The following PTPRS variants were observed in gnomAD, a reference collection of about 807,000 sequenced individuals.
The protein encoded by PTPRS is protein tyrosine phosphatase receptor type S, also known as receptor-type tyrosine-protein phosphatase S.
In PTPRS, 63 loss-of-function variants were observed where a neutral mutation model predicts 215.3. The ratio of observed to expected loss-of-function variants is 0.29; its 90% confidence interval spans 0.24 to 0.36. The LOEUF (loss-of-function observed/expected upper bound fraction) is 0.36. PTPRS is among the 10% of genes least tolerant of loss of function. The pLI, the probability that PTPRS is intolerant of heterozygous loss-of-function variation, is 1.00. For missense variants in PTPRS, 2,258 were observed against 2,825.8 expected, an observed-to-expected ratio of 0.80 and a Z score of 4.56; for synonymous variants, 1,404 against 1,191.4, an observed-to-expected ratio of 1.18 and a Z score of -3.68.
rs567701333 is a variant in PTPRS, at chr19:5,335,639, G to A, written c.-95+5025C>T. ...GCAAAGATCAAAAACAACTTAAAAG[G>A]AGCAAGGCCACCCAGATAACATAAA... On this transcript the variant is annotated intron_variant, in intron 1 of 37. Transcript: ENST00000262963. Among the ~76,000 whole-genome samples the A allele has an allele frequency of 2.1e-4, 32 of 152,248 alleles. No individual in the cohort carries two copies. The South Asian group carries it at 6.6e-3, about 32-fold the overall frequency.
Position 5,265,099 on chromosome 19 carries a change from G to A in PTPRS, c.477C>T (p.Ser159=), listed in dbSNP as rs201540749. The A allele has an allele frequency of 2.4e-5, 39 of 1,614,038 alleles. No individual in the cohort carries two copies. The Admixed American group carries it at 3.0e-4, about 12-fold the overall frequency. ...AGGTGATCTCAGGGTCAGGGTTGCC[G>A]CTGGCTGCACAGAGCATGGTGGCTG... ...TRTATMLCAA[S]GNPDPEITWF... Residue 159 remains serine (S), a synonymous_variant, in exon 5 of 38, where the codon AGC becomes AGT. Transcript: ENST00000262963.
At chr19:5,219,835 AG>A in intron 22 of PTPRS, 103 bp downstream of exon 22, 1 of 1,301,228 alleles carries the variant, frequency 7.7e-7, no homozygotes. Context: ...CTCTGACCAC[AG>A]GGAGCTGCCT....
rs934777702 is a variant in PTPRS at position 5,339,431 on chromosome 19, G to T, written c.-95+1233C>A. Reference sequence around the variant, plus strand: ...GGAGGTCCCAGATTTGGGGCGGGGGGTGTGGCTGAAAAAAAGATTCCCAGT... The same window carrying T: ...GGAGGTCCCAGATTTGGGGCGGGGGTTGTGGCTGAAAAAAAGATTCCCAGT... On this transcript the variant is annotated intron_variant, in intron 1 of 37. Coordinates refer to ENST00000262963, the MANE Select transcript of PTPRS (RefSeq NM_002850.4). The surrounding 1 kb of genome is among the most constrained non-coding windows in gnomAD (Gnocchi z 4.2). 2.0e-5 allele frequency among the ~76,000 whole-genome samples: 3 copies of T among 151,950 alleles called. No individual in the cohort carries two copies. The highest frequency in any genetic ancestry group is 3.4e-3 in the Middle Eastern group (1 of 294).
chr19:5,322,697 T>C (rs1462951170), intron 1 of PTPRS, among the ~76,000 whole-genome samples: 1 of 151,682 alleles, frequency 6.6e-6, no homozygotes, highest in African/African-American at 2.4e-5. Context: ...CTGACCAACA[T>C]GGTGAAACCC....
At chr19:5,284,744 C>T (rs929964351) in intron 2 of PTPRS, among the ~76,000 whole-genome samples, 21 of 151,776 alleles carry the variant, frequency 1.4e-4, no homozygotes, top group African/African-American at 3.6e-4. Context: ...CTCAGGAGTT[C>T]GAGACCAGCC....
chr19:5,238,939 C>T lies in PTPRS; in HGVS notation c.1829G>A (p.Arg610Gln), dbSNP rs1178903212. Residue 610 changes from arginine to glutamine, a missense_variant, in exon 13 of 38, where the codon CGG becomes CAG. By Grantham distance (43) the Arg-to-Gln change is conservative. This residue lies in a region of PTPRS where 371 missense variants were observed against 446.7 expected (regional missense o/e 0.83). Transcript: ENST00000262963. ...CCTACTGGACTGCAGCGTGCGCTGC[C>T]GCACCACGGGGGTGAAGGCGCCCAG... ...QGLGAFTPVVRQRTLQSKPSA... is the reference protein window; with the variant it reads ...QGLGAFTPVVQQRTLQSKPSA... The T allele has an allele frequency of 1.4e-5, 22 of 1,609,074 alleles. No individual in the cohort carries two copies. Among genetic ancestry groups the T allele is most frequent in the East Asian group, 6.7e-5 (3 of 44,666 alleles).
At chr19:5,302,883 C>T (rs1464224702) in intron 1 of PTPRS, among the ~76,000 whole-genome samples, 2 of 146,224 alleles carry the variant, frequency 1.4e-5, no homozygotes, top group Non-Finnish European at 1.5e-5. Context: ...CAGTGAAACC[C>T]CATCTCTACT....
At chr19:5,225,478 G>A (rs2042396411) in intron 17 of PTPRS, among the ~76,000 whole-genome samples, 1 of 149,554 alleles carries the variant, frequency 6.7e-6, no homozygotes, top group Non-Finnish European at 1.5e-5. Context: ...AGAGGTGGCT[G>A]TTAACTGTTT....
intron 13 of PTPRS, among the ~76,000 whole-genome samples, chr19:5,235,985 T>A: frequency 6.6e-6 from 1 of 152,228 alleles, no homozygotes; most frequent in East Asian, 1.9e-4. Flanking sequence ...AGCCCATGTT[T>A]CATGTATTAT....
chr19:5,254,079 A>G (rs1430988044), intron 9 of PTPRS, among the ~76,000 whole-genome samples: 3 of 152,180 alleles, frequency 2.0e-5, no homozygotes, highest in Non-Finnish European at 2.9e-5. Context: ...TACTGCCCAG[A>G]AAGTCCAAGT....
chr19:5,315,350 GGTTTTTTTTTTTTTTT>G (rs1397635639), intron 1 of PTPRS, among the ~76,000 whole-genome samples: 6 of 101,298 alleles, frequency 5.9e-5, no homozygotes, highest in African/African-American at 1.6e-4. Flanking sequence ...ATTTGAAAAG[GGTTTTTTTTTTTTTTT>G]TTTTTTTTTT....
In PTPRS at chr19:5,236,158, G is replaced by C. The variant is rs191740216; in HGVS notation, c.1849+2761C>G. Among the ~76,000 whole-genome samples, 23 of 152,286 alleles carry C rather than the reference G, an allele frequency of 1.5e-4. 1 individual carries two copies. The highest frequency in any genetic ancestry group is 1.4e-3 in the Admixed American group (21 of 15,294). ...CCTGCTGGGCTTTCTACAGTCACTG[G>C]TTGTGTACCGACTGTGGCCAGACCC... is the stretch of plus-strand genomic sequence containing the variant. On this transcript the variant is annotated intron_variant, in intron 13 of 37. Coordinates refer to ENST00000262963, the MANE Select transcript of PTPRS (RefSeq NM_002850.4).
chr19:5,225,610 C>T (rs2042413984), intron 17 of PTPRS, 117 bp downstream of exon 17: 5 of 920,848 alleles, frequency 5.4e-6, no homozygotes, highest in Admixed American at 5.3e-5. Flanking sequence ...CTCACTGTTC[C>T]AGCTGCCTGG....
chr19:5,214,350 C>A lies in PTPRS; in HGVS notation c.4614+11G>T, dbSNP rs376093211. 1 of 1,613,928 alleles carries A rather than the reference C, an allele frequency of 6.2e-7. No individual in the cohort carries two copies. The highest frequency in any genetic ancestry group is 1.3e-5 in the African/African-American group (1 of 74,994). On this transcript the variant is annotated intron_variant, in intron 30 of 37. Transcript: ENST00000262963. ...TCCACCCTCAGCCCCCAGCCCCAGC[C>A]TGGGCCCCACCTTGTGCAGAGAGAA...
chr19:5,265,309 T>C (rs539807367), intron 4 of PTPRS, 113 bp from the exon 5 acceptor site: 1 of 968,840 alleles, frequency 1.0e-6, no homozygotes, highest in Non-Finnish European at 1.5e-6. Flanking sequence ...CCTGGCTGCG[T>C]GACCTCAGCC....
At chr19:5,323,122 C>A (rs1324046610) in intron 1 of PTPRS, among the ~76,000 whole-genome samples, 4 of 151,678 alleles carry the variant, frequency 2.6e-5, no homozygotes, top group Non-Finnish European at 4.4e-5. Context: ...TTTGGGAGGC[C>A]GAGGAGGGCA....
chr19:5,312,554 G>C (rs997361489), intron 1 of PTPRS, among the ~76,000 whole-genome samples: 2 of 152,176 alleles, frequency 1.3e-5, no homozygotes, highest in African/African-American at 2.4e-5. Context: ...CCAGCCACTT[G>C]AGAGGCCAAG....
rs560175185 is a variant in PTPRS, at chr19:5,237,431, G to A, written c.1849+1488C>T. On this transcript the variant is annotated intron_variant, in intron 13 of 37. Coordinates refer to ENST00000262963, the MANE Select transcript of PTPRS (RefSeq NM_002850.4). The surrounding 1 kb of genome is among the most constrained non-coding windows in gnomAD (Gnocchi z 4.2). ...CCCCGGAGGTTCGCGTGGCTGGGCC[G>A]AAGCCGCTTTCTAGGTGACCGTGTA... 1.3e-3 allele frequency among the ~76,000 whole-genome samples: 200 copies of A among 152,344 alleles called. No individual in the cohort carries two copies. Among genetic ancestry groups the A allele is most frequent in the African/African-American group, 4.7e-3 (194 of 41,578 alleles).
At chr19:5,214,247 C>T (rs10425850) in intron 30 of PTPRS, 114 bp downstream of exon 30, 199,523 of 1,435,730 alleles carry the variant, frequency 0.14, 15,488 homozygotes, top group African/African-American at 0.28. Flanking sequence ...TGGGTAGACA[C>T]GCTCCGCTTT....
Sources: gnomAD v4.1 joint callset for allele counts (sites outside exome capture counted in the v4.1 genomes callset) on GRCh38, gnomAD v4.1.1 for gene constraint, gnomAD v4.1.1 regional missense constraint, Gnocchi (gnomAD v3.1) non-coding constraint, MANE v1.5 for transcripts, NCBI Gene and HGNC (gene_info 2026-07-23, HGNC 2026-07-21) for gene names.